The following SLC2A12 variants were observed in gnomAD, a reference collection of about 807,000 sequenced individuals.
The protein encoded by SLC2A12 is solute carrier family 2, facilitated glucose transporter member 12.
SLC2A12 carries 23 observed loss-of-function variants against 41.8 expected under a neutral mutation model. The ratio of observed to expected loss-of-function variants is 0.55; its 90% CI spans 0.40 to 0.78. The LOEUF (loss-of-function observed/expected upper bound fraction) is 0.78, where lower values mean the gene tolerates loss of function less well. SLC2A12 is among the 30% of genes least tolerant of loss of function. The pLI is 0.00. For synonymous variants in SLC2A12, 295 were observed against 285.9 expected, an observed-to-expected ratio of 1.03 and a Z score of -0.32; for missense variants, 654 against 745.6, an observed-to-expected ratio of 0.88 and a Z score of 1.43.
intron 1 of SLC2A12, among the ~76,000 whole-genome samples, chr6:134,031,593 A>G (rs1777208682): frequency 6.6e-6 from 1 of 152,196 alleles, no homozygotes; most frequent in Admixed American, 6.5e-5. Context: ...TGTAGAGGGC[A>G]TTGTACTATA....
chr6:134,010,442 G>A (rs967519446), intron 2 of SLC2A12, among the ~76,000 whole-genome samples: 5 of 152,138 alleles, frequency 3.3e-5, no homozygotes, highest in Non-Finnish European at 4.4e-5. Context: ...TACAGTGAGC[G>A]CAGCCACTGG....
intron 4 of SLC2A12, among the ~76,000 whole-genome samples, chr6:133,998,832 C>T (rs1318263023): frequency 6.6e-6 from 1 of 152,186 alleles, no homozygotes; most frequent in African/African-American, 2.4e-5. Flanking sequence ...TGAGCCACTA[C>T]ACCCAGCCAC....
At chr6:134,002,982 G>A (rs776349970) in intron 3 of SLC2A12, among the ~76,000 whole-genome samples, 5 of 152,158 alleles carry the variant, frequency 3.3e-5, no homozygotes, top group East Asian at 1.9e-4. Flanking sequence ...GCATTGTGGC[G>A]GCCCCTGACT....
At chr6:134,035,791 C>T (rs1407714196) in intron 1 of SLC2A12, among the ~76,000 whole-genome samples, 1 of 152,194 alleles carries the variant, frequency 6.6e-6, no homozygotes, top group Non-Finnish European at 1.5e-5. Flanking sequence ...CCTTTTGATG[C>T]AATGACAATT....
intron 1 of SLC2A12, among the ~76,000 whole-genome samples, chr6:134,032,271 G>A (rs1473365362): frequency 6.6e-6 from 1 of 151,290 alleles, no homozygotes; most frequent in Non-Finnish European, 1.5e-5. Flanking sequence ...TAATCCACAA[G>A]AAATAAAGCA....
chr6:134,028,991 T>G lies in SLC2A12; in HGVS notation c.834A>C (p.Arg278=). The change falls in exon 2 of 5, where the codon CGA becomes CGC. Residue 278 remains arginine (R), a synonymous_variant. Coordinates refer to ENST00000275230, the MANE Select transcript of SLC2A12 (RefSeq NM_145176.3). ...LFRSKDNMRT[R]IMIGLTLVFF... Reference sequence around the variant, plus strand: ...ATACTAGTGTTAGTCCTATCATTATTCGGGTCCGCATGTTGTCTTTTGAAC... The same window carrying G: ...ATACTAGTGTTAGTCCTATCATTATGCGGGTCCGCATGTTGTCTTTTGAAC... The G allele has an allele frequency of 6.2e-7, 1 of 1,614,246 alleles. No homozygotes were observed. The highest frequency in any genetic ancestry group is 8.5e-7 in the Non-Finnish European group (1 of 1,180,042).
chr6:134,014,677 A>C (rs979356356), intron 2 of SLC2A12, among the ~76,000 whole-genome samples: 2 of 152,238 alleles, frequency 1.3e-5, no homozygotes, highest in African/African-American at 4.8e-5. Context: ...GTGTTTATTA[A>C]GATAGTATTA....
chr6:134,016,556 A>G lies in SLC2A12; in HGVS notation c.1445-9622T>C, dbSNP rs1776965571. 2.6e-5 allele frequency among the ~76,000 whole-genome samples: 4 copies of G among 152,032 alleles called. No homozygotes were observed. In the South Asian group the frequency reaches 8.3e-4, roughly 32 times the overall value. On this transcript the variant is annotated intron_variant, in intron 2 of 4. Coordinates refer to ENST00000275230, the MANE Select transcript of SLC2A12 (RefSeq NM_145176.3). ...ACCAAGGAATCTTGTGTTTTTTGTC[A>G]ACATCATTAAACTGTGACAGGTTAA...
At position 134,015,965 on chromosome 6, in the gene SLC2A12, A is replaced by T. The variant is rs577282955; in HGVS notation, c.1445-9031T>A. The stretch of plus-strand genomic sequence containing the variant: ...GCTCCATAAAACCAAACAGAGCAAA[A>T]AGCTAGGCTCTATGGTCTTTGAGTT... On this transcript the variant is annotated intron_variant, in intron 2 of 4. Transcript: ENST00000275230. 3.3e-5 allele frequency among the ~76,000 whole-genome samples: 5 copies of T among 152,328 alleles called. No homozygotes were observed. In the South Asian group the frequency reaches 1.0e-3, roughly 32 times the overall value.
At chr6:134,010,426 C>T (rs1470827961) in intron 2 of SLC2A12, among the ~76,000 whole-genome samples, 2 of 152,150 alleles carry the variant, frequency 1.3e-5, no homozygotes, top group Non-Finnish European at 2.9e-5. Flanking sequence ...ACACAGTGAA[C>T]TCTTCTACAG....
rs759249219 is a variant in SLC2A12 at position 133,991,211 on chromosome 6, C to A, written c.1798G>T (p.Glu600Ter). 3.1e-6 allele frequency: 5 copies of A among 1,614,102 alleles called. No homozygotes were observed. Among genetic ancestry groups the A allele is most frequent in the Non-Finnish European group, 4.2e-6 (5 of 1,180,018 alleles). The change falls in exon 5 of 5, where the codon GAG becomes TAG. Residue 600 changes from glutamate (E) to a stop codon, truncating the protein, a stop_gained. Transcript: ENST00000275230. LOFTEE classifies it high-confidence loss of function. ...QKRKPQEQLL[E>*]CNKLCGRGQS... ...CCCCTACCACACAGCTTGTTACACT[C>A]CAAGAGCTGCTCCTGGGGTTTTCTT...
At chr6:134,020,179 T>C (rs569651876) in intron 2 of SLC2A12, among the ~76,000 whole-genome samples, 22 of 152,342 alleles carry the variant, frequency 1.4e-4, no homozygotes, top group East Asian at 7.7e-4. Context: ...AGAAACACTT[T>C]CCTGGCAGAA....
chr6:134,003,085 G>A (rs1184991612), intron 3 of SLC2A12, among the ~76,000 whole-genome samples: 1 of 152,200 alleles, frequency 6.6e-6, no homozygotes, highest in Non-Finnish European at 1.5e-5. Context: ...ACAAACCACA[G>A]TTGGTCAGGC....
At chr6:134,040,064 T>TG (rs775756091) in intron 1 of SLC2A12, among the ~76,000 whole-genome samples, 16 of 136,946 alleles carry the variant, frequency 1.2e-4, no homozygotes, top group African/African-American at 2.7e-4. Context: ...TTTTGTTTTT[T>TG]TTTTTTTGTT....
At chr6:134,034,336 A>G (rs563342986) in intron 1 of SLC2A12, among the ~76,000 whole-genome samples, 1 of 152,268 alleles carries the variant, frequency 6.6e-6, no homozygotes, top group South Asian at 2.1e-4. Flanking sequence ...TATATGCTTT[A>G]AGGGATACTG....
chr6:134,004,369 T>A (rs547979298), intron 3 of SLC2A12, among the ~76,000 whole-genome samples: 2 of 152,284 alleles, frequency 1.3e-5, no homozygotes, highest in East Asian at 3.9e-4. Flanking sequence ...GAAAATTTTA[T>A]ATAAAAACCC....
At chr6:134,032,057 C>T (rs1481839943) in intron 1 of SLC2A12, among the ~76,000 whole-genome samples, 4 of 151,966 alleles carry the variant, frequency 2.6e-5, no homozygotes, top group East Asian at 1.9e-4. Flanking sequence ...GCTGCCTTTT[C>T]GGGGTTGGGG....
At chr6:134,007,543 A>G (rs771693298) in intron 2 of SLC2A12, among the ~76,000 whole-genome samples, 3 of 152,236 alleles carry the variant, frequency 2.0e-5, no homozygotes, top group African/African-American at 4.8e-5. Flanking sequence ...ACCAGACTAA[A>G]CATTTGAATT....
At chr6:133,995,000 A>G (rs569411058) in intron 4 of SLC2A12, among the ~76,000 whole-genome samples, 4 of 152,354 alleles carry the variant, frequency 2.6e-5, no homozygotes, top group African/African-American at 4.8e-5. Flanking sequence ...GTTAACCAAC[A>G]TGGAGGTAAT....
Sources: gnomAD v4.1 joint callset for allele counts (sites outside exome capture counted in the v4.1 genomes callset) on GRCh38, gnomAD v4.1.1 for gene constraint, MANE v1.5 for transcripts, NCBI Gene and HGNC (gene_info 2026-07-23, HGNC 2026-07-21) for gene names.